Variants in CSMD1 observed in about 807,000 individuals in gnomAD.
CSMD1 encodes the protein CUB and Sushi multiple domains 1.
A neutral mutation model predicts 417.5 loss-of-function variants in CSMD1; 213 were observed. The ratio of observed to expected loss-of-function variants is 0.51; its 90% CI spans 0.46 to 0.57. The LOEUF is 0.57. CSMD1 is among the 20% of genes least tolerant of loss of function. The probability of loss-of-function intolerance (pLI) is 0.00; values close to 1 mark genes in which losing one functional copy is unlikely to be tolerated. For synonymous variants in CSMD1, 2,862 were observed against 1,736.8 expected (o/e 1.65, Z -16.11); for missense variants, 6,923 against 4,529.7 (o/e 1.53, Z -15.17).
chr8:4,102,972 C>T (rs970352182), intron 3 of CSMD1, among the ~76,000 whole-genome samples: 3 of 152,110 alleles, frequency 2.0e-5, no homozygotes, highest in Non-Finnish European at 4.4e-5. Context: ...TTAACACGTG[C>T]AGAGCCAGCA....
intron 26 of CSMD1, among the ~76,000 whole-genome samples, chr8:3,268,166 T>C (rs925311579): frequency 4.6e-5 from 7 of 151,970 alleles, no homozygotes; most frequent in Admixed American, 1.3e-4. Flanking sequence ...AATGAATGAA[T>C]GAATGAGTGA....
intron 1 of CSMD1, among the ~76,000 whole-genome samples, chr8:4,959,601 G>C (rs530117804): frequency 3.3e-5 from 5 of 152,354 alleles, no homozygotes; most frequent in Middle Eastern, 3.4e-3. Flanking sequence ...TGTAGGCATT[G>C]AGCAGGCTTC....
intron 7 of CSMD1, among the ~76,000 whole-genome samples, chr8:3,683,617 C>T (rs558292367): frequency 2.8e-4 from 43 of 152,206 alleles, no homozygotes; most frequent in African/African-American, 7.7e-4. Flanking sequence ...CCAGGTCTTC[C>T]GCTGAAAACA....
chr8:4,698,080 A>T (rs953312523), intron 1 of CSMD1, among the ~76,000 whole-genome samples: 9 of 151,980 alleles, frequency 5.9e-5, no homozygotes, highest in Non-Finnish European at 1.2e-4. Context: ...GTTCCCAAAC[A>T]TGTCAAATAT....
chr8:4,713,090 C>A (rs1808414563), intron 1 of CSMD1, among the ~76,000 whole-genome samples: 1 of 152,164 alleles, frequency 6.6e-6, no homozygotes, highest in East Asian at 1.9e-4. Flanking sequence ...CCTCAAATCC[C>A]CACCATTAAA....
At chr8:4,224,995 C>A (rs1801262753) in intron 3 of CSMD1, among the ~76,000 whole-genome samples, 1 of 152,114 alleles carries the variant, frequency 6.6e-6, no homozygotes, top group Non-Finnish European at 1.5e-5. Context: ...ACCTGAAATC[C>A]CAGCTATTGG....
intron 41 of CSMD1, among the ~76,000 whole-genome samples, chr8:3,127,173 A>C (rs186347437): frequency 9.9e-5 from 15 of 152,284 alleles, no homozygotes; most frequent in Non-Finnish European, 1.9e-4. Context: ...TGGTTGCCCT[A>C]GCGGGGATGG....
intron 5 of CSMD1, among the ~76,000 whole-genome samples, chr8:3,852,250 G>C (rs931079297): frequency 6.6e-6 from 1 of 152,174 alleles, no homozygotes; most frequent in Non-Finnish European, 1.5e-5. Context: ...ATGTGGGGAG[G>C]TGGTAACCAT....
At chr8:3,546,331 C>G (rs932085086) in intron 10 of CSMD1, among the ~76,000 whole-genome samples, 1 of 151,720 alleles carries the variant, frequency 6.6e-6, no homozygotes, top group African/African-American at 2.4e-5. Context: ...GTCAGGAGAT[C>G]GAGACCATCT....
intron 50 of CSMD1, among the ~76,000 whole-genome samples, chr8:3,050,488 A>C (rs184924446): frequency 6.6e-6 from 1 of 152,344 alleles, no homozygotes; most frequent in Non-Finnish European, 1.5e-5. Context: ...CATTGTTCTT[A>C]TTAAAATCAA....
At chr8:3,852,129 C>A (rs574581807) in intron 5 of CSMD1, among the ~76,000 whole-genome samples, 1 of 152,010 alleles carries the variant, frequency 6.6e-6, no homozygotes, top group Non-Finnish European at 1.5e-5. Context: ...CAAAAACCAT[C>A]GATACAAATA....
intron 1 of CSMD1, among the ~76,000 whole-genome samples, chr8:4,970,194 C>A (rs924116904): frequency 6.6e-6 from 1 of 151,916 alleles, no homozygotes; most frequent in African/African-American, 2.4e-5. Flanking sequence ...AACTTGACTT[C>A]AGACTCGAAT....
chr8:4,686,793 C>T (rs1806412111), intron 1 of CSMD1, among the ~76,000 whole-genome samples: 1 of 152,146 alleles, frequency 6.6e-6, no homozygotes, highest in Admixed American at 6.5e-5. Flanking sequence ...CTTCAGAGAC[C>T]CATTTGAAAG....
intron 1 of CSMD1, among the ~76,000 whole-genome samples, chr8:4,668,439 T>TATTATC (rs986277732): frequency 1.4e-5 from 2 of 145,648 alleles, no homozygotes; most frequent in Non-Finnish European, 3.0e-5. Flanking sequence ...TTATTATTAT[T>TATTATC]ATTATTATTA....
intron 1 of CSMD1, among the ~76,000 whole-genome samples, chr8:4,812,041 C>A (rs1229452655): frequency 6.6e-6 from 1 of 152,140 alleles, no homozygotes; most frequent in Non-Finnish European, 1.5e-5. Context: ...CAAGAAAAGA[C>A]AAGGTCCTGT....
At chr8:4,914,275 C>G (rs992091797) in intron 1 of CSMD1, among the ~76,000 whole-genome samples, 5 of 152,054 alleles carry the variant, frequency 3.3e-5, no homozygotes, top group African/African-American at 9.7e-5. Flanking sequence ...AAACATTTCA[C>G]TTTAAAAATT....
chr8:3,426,999 G>A (rs768372764), intron 12 of CSMD1, among the ~76,000 whole-genome samples: 51 of 152,216 alleles, frequency 3.4e-4, no homozygotes, highest in Admixed American at 7.8e-4. Flanking sequence ...TGAAGGAGAG[G>A]AATGCAGGGG....
At chr8:3,600,310 A>G (rs1296198999) in intron 8 of CSMD1, among the ~76,000 whole-genome samples, 1 of 152,218 alleles carries the variant, frequency 6.6e-6, no homozygotes, top group African/African-American at 2.4e-5. Flanking sequence ...AGGGCATTTA[A>G]TGCTGTTGAA....
chr8:3,817,110 T>C (rs1801413909), intron 5 of CSMD1, among the ~76,000 whole-genome samples: 1 of 151,746 alleles, frequency 6.6e-6, no homozygotes, highest in Non-Finnish European at 1.5e-5. Context: ...GAAATGAAGA[T>C]CTTATAGAGA....
Sources: gnomAD v4.1 joint callset for allele counts (sites outside exome capture counted in the v4.1 genomes callset) on GRCh38, gnomAD v4.1.1 for gene constraint, MANE v1.5 for transcripts, NCBI Gene and HGNC (gene_info 2026-07-23, HGNC 2026-07-21) for gene names.